ZPBP: variants seen among roughly 807,000 people sequenced by gnomAD.
The protein encoded by ZPBP is zona pellucida-binding protein 1.
Under a neutral mutation model 44.8 loss-of-function variants are expected in ZPBP, and 26 were observed. The ratio of observed to expected loss-of-function variants is 0.58; its 90% CI spans 0.43 to 0.81. The LOEUF (loss-of-function observed/expected upper bound fraction) is 0.81. Ranked by LOEUF, ZPBP falls within the 30% of genes least tolerant of loss-of-function variation. The pLI is 0.00. For missense variants in ZPBP, 409 were observed against 434.0 expected (o/e 0.94, Z 0.51); for synonymous variants, 174 against 153.2 (o/e 1.14, Z -1.00).
intron 4 of ZPBP, among the ~76,000 whole-genome samples, chr7:50,045,262 C>T (rs533021288): frequency 1.3e-5 from 2 of 152,298 alleles, no homozygotes; most frequent in South Asian, 4.1e-4. Flanking sequence ...CCCTCTCTCA[C>T]CACTCCTATT....
chr7:50,063,462 G>T (rs79811166), intron 3 of ZPBP, among the ~76,000 whole-genome samples: 50 of 152,288 alleles, frequency 3.3e-4, no homozygotes, highest in African/African-American at 1.1e-3. Flanking sequence ...ACAGTAGTTT[G>T]TCAGAATATA....
At chr7:49,863,783 T>G (rs541523773) in intron 2 of ZPBP, among the ~76,000 whole-genome samples, 33 of 152,286 alleles carry the variant, frequency 2.2e-4, no homozygotes, top group African/African-American at 7.2e-4. Context: ...ATTATTTCCT[T>G]CCTCCTGCTA....
intron 5 of ZPBP, among the ~76,000 whole-genome samples, chr7:50,025,102 T>C (rs1231105600): frequency 2.0e-5 from 3 of 151,860 alleles, no homozygotes; most frequent in Admixed American, 6.6e-5. Context: ...AATATCTGTA[T>C]GAGGAAAACT....
intron 7 of ZPBP, among the ~76,000 whole-genome samples, chr7:49,971,472 C>A (rs1048571495): frequency 5.9e-5 from 9 of 152,026 alleles, no homozygotes; most frequent in African/African-American, 1.9e-4. Context: ...TAACAAAATA[C>A]TATGAACAAC....
At chr7:49,853,102 C>T (rs559625484) in intron 2 of ZPBP, among the ~76,000 whole-genome samples, 2 of 152,376 alleles carry the variant, frequency 1.3e-5, no homozygotes, top group South Asian at 2.1e-4. Context: ...AGGCTGAAGG[C>T]AGGCTCCCAG....
intron 7 of ZPBP, among the ~76,000 whole-genome samples, chr7:49,982,284 TATACATAATATATATA>T (rs1797041795): frequency 2.1e-5 from 1 of 48,490 alleles, no homozygotes; most frequent in African/African-American, 5.7e-5. Flanking sequence ...AATTTATAAT[TATACATAATATATATA>T]ATATATAATT....
intron 7 of ZPBP, among the ~76,000 whole-genome samples, chr7:49,947,263 T>C (rs1043733021): frequency 1.3e-5 from 2 of 152,178 alleles, no homozygotes; most frequent in Admixed American, 6.5e-5. Flanking sequence ...TGGATGTTTG[T>C]TGATGTCTTG....
chr7:49,950,346 A>T (rs1467233598), intron 7 of ZPBP, among the ~76,000 whole-genome samples: 2 of 151,896 alleles, frequency 1.3e-5, no homozygotes, highest in Admixed American at 1.3e-4. Context: ...TATGCTGTTA[A>T]CACAAAAATA....
intron 6 of ZPBP, among the ~76,000 whole-genome samples, chr7:49,985,748 A>T (rs1250837130): frequency 6.6e-6 from 1 of 151,974 alleles, no homozygotes; most frequent in Admixed American, 6.6e-5. Context: ...AACCCGCCCC[A>T]CAAGTGTTTA....
At chr7:49,967,869 T>C (rs1377881989) in intron 7 of ZPBP, among the ~76,000 whole-genome samples, 2 of 152,126 alleles carry the variant, frequency 1.3e-5, no homozygotes, top group Non-Finnish European at 2.9e-5. Flanking sequence ...AGTGTGAGTA[T>C]ATTTTGCAAG....
At chr7:50,090,572 T>A (rs2128858455) in intron 1 of ZPBP, among the ~76,000 whole-genome samples, 1 of 151,824 alleles carries the variant, frequency 6.6e-6, no homozygotes, top group East Asian at 1.9e-4. Context: ...TATATATGTG[T>A]ATATATTTGT....
chr7:49,889,191 A>G (rs2128729833), intron 2 of ZPBP, among the ~76,000 whole-genome samples: 1 of 152,298 alleles, frequency 6.6e-6, no homozygotes, highest in East Asian at 1.9e-4. Flanking sequence ...ATCACAAACA[A>G]GCTGATGTTT....
intron 1 of ZPBP, among the ~76,000 whole-genome samples, chr7:49,927,340 A>G (rs1178754630): frequency 6.6e-6 from 1 of 152,232 alleles, no homozygotes; most frequent in Non-Finnish European, 1.5e-5. Context: ...TATGACTTCC[A>G]AATTAGCAGA....
At chr7:49,932,117 G>A (rs1004190977) in intron 1 of ZPBP, among the ~76,000 whole-genome samples, 2 of 152,242 alleles carry the variant, frequency 1.3e-5, no homozygotes, top group African/African-American at 2.4e-5. Context: ...AGTTCTCATG[G>A]AGAACCTCTG....
chr7:49,961,061 T>C lies in ZPBP; in HGVS notation c.961+22281A>G, dbSNP rs376054980. Among the ~76,000 whole-genome samples, 12 of 152,120 alleles carry C rather than the reference T, an allele frequency of 7.9e-5. No individual in the cohort carries two copies. In the East Asian group the frequency reaches 1.5e-3, roughly 20 times the overall value. ...CAATTTGGCTTTTCTTAAAAATAAA[T>C]AAAGTTAAACATACACTAACCATAT... is the stretch of plus-strand genomic sequence containing the variant. On this transcript the variant is annotated intron_variant, in intron 7 of 7. Transcript: ENST00000046087.
At chr7:50,054,402 G>A (rs565164706) in intron 4 of ZPBP, among the ~76,000 whole-genome samples, 33 of 152,100 alleles carry the variant, frequency 2.2e-4, no homozygotes, top group African/African-American at 7.2e-4. Context: ...CAAACTATGC[G>A]AAAGGAAGAT....
chr7:49,973,761 G>A (rs1284096686), intron 7 of ZPBP, among the ~76,000 whole-genome samples: 1 of 152,114 alleles, frequency 6.6e-6, no homozygotes, highest in Non-Finnish European at 1.5e-5. Flanking sequence ...TGCAGCTGTT[G>A]TGGAAAAGTT....
intron 1 of ZPBP, among the ~76,000 whole-genome samples, chr7:50,090,521 G>C (rs1165540871): frequency 1.3e-5 from 2 of 151,104 alleles, no homozygotes; most frequent in Non-Finnish European, 2.9e-5. Context: ...GTGTATATAT[G>C]TGTATATATA....
intron 2 of ZPBP, among the ~76,000 whole-genome samples, chr7:49,868,767 G>A (rs1376963662): frequency 1.3e-5 from 2 of 152,134 alleles, no homozygotes; most frequent in African/African-American, 4.8e-5. Context: ...ACAGGCGTGT[G>A]CCACCATGCC....
Sources: gnomAD v4.1 joint callset for allele counts (sites outside exome capture counted in the v4.1 genomes callset) on GRCh38, gnomAD v4.1.1 for gene constraint, MANE v1.5 for transcripts, NCBI Gene and HGNC (gene_info 2026-07-23, HGNC 2026-07-21) for gene names.